Variants in CGB7 observed in about 807,000 individuals in gnomAD.
CGB7 encodes chorionic gonadotropin subunit beta 7.
A neutral mutation model predicts 7.3 loss-of-function variants in CGB7; 6 were observed. The ratio of observed to expected loss-of-function variants is 0.82; its 90% CI spans 0.45 to 1.62. The LOEUF (loss-of-function observed/expected upper bound fraction) is 1.62. Among genes scored for constraint, CGB7 ranks in the 40% most tolerant of loss-of-function variants. CGB7 has a pLI of 0.01. For synonymous variants in CGB7, 47 were observed against 100.8 expected (o/e 0.47, Z 3.20); for missense variants, 114 against 236.2 (o/e 0.48, Z 3.39).
rs1222750083 is a variant in CGB7, at chr19:49,056,276, A to C, written c.-901T>G. On this transcript the variant is annotated 5_prime_UTR_variant, in exon 3 of 5. Transcript: ENST00000684222. The stretch of plus-strand genomic sequence containing the variant: ...GGGGCTGGCCCGGCAGGCTCCCACT[A>C]GCCCCGGCTTACAGCGGCCTGAGCG... 20 of 1,290,710 alleles carry C rather than the reference A, an allele frequency of 1.5e-5. No homozygotes were observed. Among genetic ancestry groups the C allele is most frequent in the Non-Finnish European group, 1.8e-5 (18 of 989,678 alleles). 80.0% of individuals were successfully genotyped at this position (1,290,710 alleles called of 1,614,324 possible).
At chr19:49,057,024 C>G in intron 2 of CGB7, 97 bp downstream of exon 2, 3 of 1,318,174 alleles carry the variant, frequency 2.3e-6, no homozygotes, top group Non-Finnish European at 2.1e-6. Context: ...AGACTGAGAC[C>G]ACCGGTCAGG....
rs1462958499 is a variant in CGB7, at chr19:49,056,613, G to T, written c.-1220-18C>A. 1.6e-5 allele frequency: 20 copies of T among 1,262,286 alleles called. No individual in the cohort carries two copies. Among genetic ancestry groups the T allele is most frequent in the Admixed American group, 7.5e-5 (3 of 39,922 alleles). The allele number at this position is 1,262,286 out of a possible 1,614,324, so 78.2% of individuals were successfully genotyped here. A position where few individuals can be genotyped will look rare whatever the true frequency, so the allele number is the denominator to read the frequency against. On this transcript the variant is annotated intron_variant, in intron 2 of 4. Coordinates refer to ENST00000684222, the MANE Select transcript of CGB7 (RefSeq NM_001385261.1). ...GCTCCGTCCTGTGGGAGCAGGGCGG[G>T]ATGGTGAGGATACAGCTGGATCCTT...
chr19:49,055,570 G>A lies in CGB7; in HGVS notation c.-195C>T. On this transcript the variant is annotated 5_prime_UTR_variant, in exon 3 of 5. Transcript: ENST00000684222. ...AGTCCTCTCCCCTCAGTGGTCTAGCGCCAAGGATGAGGCGGAGACCACGGT... is the reference window on the plus strand; with the variant it reads ...AGTCCTCTCCCCTCAGTGGTCTAGCACCAAGGATGAGGCGGAGACCACGGT... 3 of 1,515,748 alleles carry A rather than the reference G, an allele frequency of 2.0e-6. No individual in the cohort carries two copies. The highest frequency in any genetic ancestry group is 2.6e-5 in the South Asian group (2 of 77,272). The allele number at this position is 1,515,748 out of a possible 1,614,324, so 93.9% of individuals were successfully genotyped here.
intron 2 of CGB7, 44 bp downstream of exon 2, chr19:49,057,077 C>T (rs1308974930): frequency 6.6e-7 from 1 of 1,523,484 alleles, no homozygotes; most frequent in South Asian, 1.2e-5. Context: ...CCGGCCATGG[C>T]GGGGGCTGTG....
intron 1 of CGB7, 73 bp from the exon 2 acceptor site, chr19:49,057,321 G>C: frequency 4.8e-6 from 7 of 1,473,032 alleles, no homozygotes; most frequent in Non-Finnish European, 6.3e-6. Flanking sequence ...TGGGTCCCGA[G>C]TTCAGAATCC....
chr19:49,055,059 C>G, intron 3 of CGB7, 51 bp from the exon 4 acceptor site: 1 of 1,600,954 alleles, frequency 6.2e-7, no homozygotes, highest in Non-Finnish European at 8.5e-7. Context: ...GCCCTGAGCC[C>G]TGGCCTTCCC....
Position 49,055,713 on chromosome 19 carries a change from G to T in CGB7, c.-338C>A. ...ATGGTGGGGTCTTGGGAACCAGGAG[G>T]AGGCCGTGACCCGAGAAAGGTGCTG... On this transcript the variant is annotated 5_prime_UTR_variant, in exon 3 of 5. Coordinates refer to ENST00000684222, the MANE Select transcript of CGB7 (RefSeq NM_001385261.1). The T allele has an allele frequency of 7.8e-7, 1 of 1,282,074 alleles. No individual in the cohort carries two copies. The highest frequency in any genetic ancestry group is 9.9e-7 in the Non-Finnish European group (1 of 1,005,086). 79.4% of individuals were successfully genotyped at this position (1,282,074 alleles called of 1,614,324 possible).
Position 49,056,163 on chromosome 19 carries a change from A to C in CGB7, c.-788T>G. On this transcript the variant is annotated 5_prime_UTR_variant, in exon 3 of 5. Coordinates refer to ENST00000684222, the MANE Select transcript of CGB7 (RefSeq NM_001385261.1). The stretch of plus-strand genomic sequence containing the variant: ...CCCCACACTGCGGATAGACTTAATG[A>C]GTGCGAGCCCACCTAGGTCCGACAC... The C allele has an allele frequency of 1.6e-6, 2 of 1,241,750 alleles. No homozygotes were observed. Among genetic ancestry groups the C allele is most frequent in the Non-Finnish European group, 2.1e-6 (2 of 963,446 alleles). The allele number at this position is 1,241,750 out of a possible 1,614,324, so 76.9% of individuals were successfully genotyped here.
At position 49,057,174 on chromosome 19, in the gene CGB7, G is replaced by T; in HGVS notation, c.-1274C>A. The T allele has an allele frequency of 6.5e-7, 1 of 1,534,486 alleles. No individual in the cohort carries two copies. Among genetic ancestry groups the T allele is most frequent in the Non-Finnish European group, 8.7e-7 (1 of 1,146,382 alleles). On this transcript the variant is annotated 5_prime_UTR_variant, in exon 2 of 5. Coordinates refer to ENST00000684222, the MANE Select transcript of CGB7 (RefSeq NM_001385261.1). Reference sequence around the variant, plus strand: ...AGGTGGTCAGATAGAGCTGGCGGCGGTTCAGGACGCCCCGGTCGGATACTG... The same window carrying T: ...AGGTGGTCAGATAGAGCTGGCGGCGTTTCAGGACGCCCCGGTCGGATACTG...
In CGB7 at chr19:49,056,454, T is replaced by C. The variant is rs1270731760; in HGVS notation, c.-1079A>G. On this transcript the variant is annotated 5_prime_UTR_variant, in exon 3 of 5. The change abolishes an upstream ATG in the 5' untranslated region. Coordinates refer to ENST00000684222, the MANE Select transcript of CGB7 (RefSeq NM_001385261.1). The stretch of plus-strand genomic sequence containing the variant: ...CTGTAGGTTTCCTGAGCCGGAGACA[T>C]GGCCCGCCGTGCGGCGCTCGAGGCG... 1.6e-5 allele frequency: 21 copies of C among 1,299,090 alleles called. No homozygotes were observed. In the African/African-American group the frequency reaches 2.3e-4, roughly 14 times the overall value. 80.5% of individuals were successfully genotyped at this position (1,299,090 alleles called of 1,614,324 possible). A position where few individuals can be genotyped will look rare whatever the true frequency, so the allele number is the denominator to read the frequency against.
Position 49,057,451 on chromosome 19 carries a change from C to G in CGB7, c.-1349+11G>C. On this transcript the variant is annotated intron_variant, in intron 1 of 4. Transcript: ENST00000684222. The stretch of plus-strand genomic sequence containing the variant: ...CTTCCTTTCTCATACCCGAACCCTT[C>G]CCAGCCTCACCTCCCTAAATCCAAG... 7.5e-7 allele frequency: 1 copy of G among 1,328,248 alleles called. No homozygotes were observed. The highest frequency in any genetic ancestry group is 9.7e-7 in the Non-Finnish European group (1 of 1,034,186). The allele number at this position is 1,328,248 out of a possible 1,614,324, so 82.3% of individuals were successfully genotyped here.
chr19:49,056,844 G>C (rs531632004), intron 2 of CGB7, among the ~76,000 whole-genome samples: 30 of 152,284 alleles, frequency 2.0e-4, no homozygotes, highest in African/African-American at 7.2e-4. Flanking sequence ...GGAGCATGTG[G>C]GGGCTCAAGT....
Position 49,057,177 on chromosome 19 carries a change from C to G in CGB7, c.-1277G>C. The G allele has an allele frequency of 6.5e-7, 1 of 1,534,480 alleles. No individual in the cohort carries two copies. Among genetic ancestry groups the G allele is most frequent in the Non-Finnish European group, 8.7e-7 (1 of 1,146,394 alleles). ...TGGTCAGATAGAGCTGGCGGCGGTT[C>G]AGGACGCCCCGGTCGGATACTGTGA... On this transcript the variant is annotated 5_prime_UTR_variant, in exon 2 of 5. Coordinates refer to ENST00000684222, the MANE Select transcript of CGB7 (RefSeq NM_001385261.1).
In CGB7 at chr19:49,055,787, C is replaced by T. The variant is rs566529293; in HGVS notation, c.-412G>A. The T allele has an allele frequency of 1.8e-6, 2 of 1,121,918 alleles. No individual in the cohort carries two copies. Among genetic ancestry groups the T allele is most frequent in the South Asian group, 2.5e-5 (1 of 40,798 alleles). 69.5% of individuals were successfully genotyped at this position (1,121,918 alleles called of 1,614,324 possible). A position where few individuals can be genotyped will look rare whatever the true frequency, so the allele number is the denominator to read the frequency against. On this transcript the variant is annotated 5_prime_UTR_variant, in exon 3 of 5. Transcript: ENST00000684222. ...ACTTGAGCCATTCCTGCACCACAGT[C>T]CAACCTAACAGGAGGGGCGCGGCTT...
chr19:49,057,354 A>G (rs1354959089), intron 1 of CGB7, 106 bp from the exon 2 acceptor site: 2 of 1,439,904 alleles, frequency 1.4e-6, no homozygotes, highest in East Asian at 2.6e-5. Flanking sequence ...CTCGACAGCC[A>G]TGACGGCCAC....
At position 49,057,606 on chromosome 19, in the gene CGB7, G is replaced by A; in HGVS notation, c.-1493C>T. On this transcript the variant is annotated 5_prime_UTR_variant, in exon 1 of 5. Transcript: ENST00000684222. ...AGCTGCATCTTGGGCAACAACTCCA[G>A]GTTACCTCTCCTAACTCCCACCCTA... 2 of 1,172,284 alleles carry A rather than the reference G, an allele frequency of 1.7e-6. No individual in the cohort carries two copies. Among genetic ancestry groups the A allele is most frequent in the Non-Finnish European group, 2.1e-6 (2 of 943,998 alleles). The allele number at this position is 1,172,284 out of a possible 1,614,324, so 72.6% of individuals were successfully genotyped here.
chr19:49,057,040 G>C, intron 2 of CGB7, 81 bp downstream of exon 2: 1 of 1,437,546 alleles, frequency 7.0e-7, no homozygotes, highest in Non-Finnish European at 9.4e-7. Flanking sequence ...TCAGGGAATG[G>C]GAGCCAGCCC....
rs1343841119 is a variant in CGB7 at position 49,055,987 on chromosome 19, G to T, written c.-612C>A. The stretch of plus-strand genomic sequence containing the variant: ...TGCCCGGAGCGGTCCCCGGAAATGC[G>T]TGTGCTTCAGGTGATTTAACTGATT... On this transcript the variant is annotated 5_prime_UTR_variant, in exon 3 of 5. Coordinates refer to ENST00000684222, the MANE Select transcript of CGB7 (RefSeq NM_001385261.1). The T allele has an allele frequency of 9.0e-7, 1 of 1,116,260 alleles. No homozygotes were observed. Among genetic ancestry groups the T allele is most frequent in the Non-Finnish European group, 1.1e-6 (1 of 903,558 alleles). The allele number at this position is 1,116,260 out of a possible 1,614,324, so 69.1% of individuals were successfully genotyped here. A position where few individuals can be genotyped will look rare whatever the true frequency, so the allele number is the denominator to read the frequency against.
In CGB7 at chr19:49,056,470, G is replaced by A; in HGVS notation, c.-1095C>T. The A allele has an allele frequency of 7.7e-7, 1 of 1,300,404 alleles. No homozygotes were observed. 80.6% of individuals were successfully genotyped at this position (1,300,404 alleles called of 1,614,324 possible). Reference sequence around the variant, plus strand: ...CCGGAGACATGGCCCGCCGTGCGGCGCTCGAGGCGGCCTGGAAGAGCAGAG... The same window carrying A: ...CCGGAGACATGGCCCGCCGTGCGGCACTCGAGGCGGCCTGGAAGAGCAGAG... On this transcript the variant is annotated 5_prime_UTR_variant, in exon 3 of 5. Coordinates refer to ENST00000684222, the MANE Select transcript of CGB7 (RefSeq NM_001385261.1).
Sources: allele counts gnomAD v4.1 joint callset (sites outside exome capture counted in the v4.1 genomes callset), GRCh38; gene constraint gnomAD v4.1.1; transcripts MANE v1.5; gene names NCBI Gene and HGNC (gene_info 2026-07-23, HGNC 2026-07-21).